Variants in RIC1 observed in about 807,000 individuals in gnomAD.
The protein encoded by RIC1 is guanine nucleotide exchange factor subunit RIC1.
In RIC1, 88 loss-of-function variants were observed where a neutral mutation model predicts 169.0. The observed-to-expected ratio is 0.52, with a 90% CI of 0.44 to 0.62. The LOEUF (loss-of-function observed/expected upper bound fraction) is 0.62. RIC1 is among the 20% of genes least tolerant of loss of function. The pLI, the probability that RIC1 is intolerant of heterozygous loss-of-function variation, is 0.00. For synonymous variants in RIC1, 790 were observed against 601.5 expected, an observed-to-expected ratio of 1.31 and a Z score of -4.59; for missense variants, 1,877 against 1,725.5, an observed-to-expected ratio of 1.09 and a Z score of -1.56.
At chr9:5,765,596 T>C in intron 20 of RIC1, 24 bp downstream of exon 20, 1 of 1,614,002 alleles carries the variant, frequency 6.2e-7, no homozygotes, top group Non-Finnish European at 8.5e-7. Flanking sequence ...GTTACACATC[T>C]TCTCTAGGCC....
At position 5,776,145 on chromosome 9, in the gene RIC1, A is replaced by G. The variant is rs1426275934; in HGVS notation, c.*1899A>G. 6.6e-6 allele frequency: 1 copy of G among 152,208 alleles called. No individual in the cohort carries two copies. Among genetic ancestry groups the G allele is most frequent in the African/African-American group, 2.4e-5 (1 of 41,468 alleles). The allele number at this position is 152,208 out of a possible 1,614,324, so 9.4% of individuals were successfully genotyped here. The stretch of plus-strand genomic sequence containing the variant: ...ACATTCTTGAAAGCAGGGCACCAGT[A>G]TAAGTTAACTGTATTCCTGTGGGTT... On this transcript the variant is annotated 3_prime_UTR_variant, in exon 26 of 26. Transcript: ENST00000414202.
chr9:5,680,491 A>G (rs931767501), intron 2 of RIC1, among the ~76,000 whole-genome samples: 1 of 152,040 alleles, frequency 6.6e-6, no homozygotes, highest in Non-Finnish European at 1.5e-5. Context: ...TTGGTTGGTA[A>G]GCTATTAATT....
Position 5,763,205 on chromosome 9 carries a change from A to C in RIC1, c.2178A>C (p.Ala726=). Residue 726 remains alanine (A), a synonymous_variant, in exon 19 of 26, where the codon GCA becomes GCC. Transcript: ENST00000414202. This position sits in a 1 kb window ranked among gnomAD's most constrained non-coding sequence, Gnocchi z 5.2. ...SVENVWTTCR[A]NKQKRHLLEA... The stretch of plus-strand genomic sequence containing the variant: ...AAAATGTCTGGACAACGTGTCGAGC[A>C]AATAAACAGAAACGTCACCTTCTGG... 1.2e-6 allele frequency: 2 copies of C among 1,614,158 alleles called. No individual in the cohort carries two copies. Among genetic ancestry groups the C allele is most frequent in the Admixed American group, 1.7e-5 (1 of 60,020 alleles).
intron 2 of RIC1, among the ~76,000 whole-genome samples, chr9:5,689,225 AT>A (rs377518495): frequency 8.6e-5 from 13 of 150,456 alleles, no homozygotes; most frequent in South Asian, 4.2e-4. Context: ...ATTTTTTTGT[AT>A]TTTTTTAGTA....
At chr9:5,734,678 A>G (rs551110268) in intron 7 of RIC1, among the ~76,000 whole-genome samples, 1 of 152,226 alleles carries the variant, frequency 6.6e-6, no homozygotes, top group Non-Finnish European at 1.5e-5. Flanking sequence ...GTCTCCAGTC[A>G]CAAACTGCCT....
chr9:5,642,117 A>T lies in RIC1; in HGVS notation c.144+12664A>T, dbSNP rs542314299. On this transcript the variant is annotated intron_variant, in intron 1 of 25. Coordinates refer to ENST00000414202, the MANE Select transcript of RIC1 (RefSeq NM_020829.4). The stretch of plus-strand genomic sequence containing the variant: ...AGGGACTTGGGCCCCAAGCCCAATA[A>T]TGCTGAGGTTTTTGCAGACTCAGAG... Among the ~76,000 whole-genome samples, 58 of 145,214 alleles carry T rather than the reference A, an allele frequency of 4.0e-4. 16 individuals are homozygous for T. The highest frequency in any genetic ancestry group is 1.6e-3 in the African/African-American group (58 of 35,790).
chr9:5,766,821 C>G (rs1213375331), intron 21 of RIC1, among the ~76,000 whole-genome samples: 1 of 152,180 alleles, frequency 6.6e-6, no homozygotes, highest in African/African-American at 2.4e-5. Context: ...GTGCAAGTAT[C>G]TTTTTTGAAT....
chr9:5,743,829 G>A lies in RIC1; in HGVS notation c.1095+92G>A. On this transcript the variant is annotated intron_variant, in intron 10 of 25. Coordinates refer to ENST00000414202, the MANE Select transcript of RIC1 (RefSeq NM_020829.4). The stretch of plus-strand genomic sequence containing the variant: ...CTCATTTTTATTTATTTAATTTTTT[G>A]AGACAGGGTCTTACACTGTCACCCA... The A allele has an allele frequency of 7.1e-6, 7 of 987,282 alleles. No individual in the cohort carries two copies. The South Asian group carries it at 9.8e-5, about 14-fold the overall frequency. 61.2% of individuals were successfully genotyped at this position (987,282 alleles called of 1,614,324 possible).
At chr9:5,651,747 T>A (rs953768225) in intron 1 of RIC1, among the ~76,000 whole-genome samples, 1 of 151,830 alleles carries the variant, frequency 6.6e-6, no homozygotes, top group Non-Finnish European at 1.5e-5. Context: ...TATTTTTTTT[T>A]ATTAGAGATG....
chr9:5,775,267 C>T lies in RIC1; in HGVS notation c.*1021C>T, dbSNP rs964782960. 7 of 152,144 alleles carry T rather than the reference C, an allele frequency of 4.6e-5. No individual in the cohort carries two copies. Among genetic ancestry groups the T allele is most frequent in the African/African-American group, 9.7e-5 (4 of 41,438 alleles). The allele number at this position is 152,144 out of a possible 1,614,324, so 9.4% of individuals were successfully genotyped here. On this transcript the variant is annotated 3_prime_UTR_variant, in exon 26 of 26. Coordinates refer to ENST00000414202, the MANE Select transcript of RIC1 (RefSeq NM_020829.4). ...TAGACTGCTGAATCCTGTATTACCA[C>T]GGCTACTAAAAATTAGTGTGTAAAG...
chr9:5,647,039 T>A (rs1299344408), intron 1 of RIC1, among the ~76,000 whole-genome samples: 2 of 152,228 alleles, frequency 1.3e-5, no homozygotes, highest in African/African-American at 4.8e-5. Flanking sequence ...TATCCAGTTT[T>A]CCCAGCACTG....
intron 3 of RIC1, among the ~76,000 whole-genome samples, chr9:5,692,620 T>C (rs908099095): frequency 6.6e-6 from 1 of 152,098 alleles, no homozygotes; most frequent in Non-Finnish European, 1.5e-5. Context: ...GTTCTAGTTA[T>C]GTTACTTAGT....
At chr9:5,689,600 C>T (rs1009337732) in intron 2 of RIC1, among the ~76,000 whole-genome samples, 1 of 152,072 alleles carries the variant, frequency 6.6e-6, no homozygotes, top group African/African-American at 2.4e-5. Flanking sequence ...GGCATTGTTG[C>T]TTTATAAACT....
chr9:5,722,578 T>C (rs1409706116), intron 6 of RIC1, among the ~76,000 whole-genome samples: 4 of 152,162 alleles, frequency 2.6e-5, no homozygotes, highest in African/African-American at 7.2e-5. Context: ...ATTTACTTTT[T>C]TAAGTTCTAG....
chr9:5,701,801 C>G (rs1052858839), intron 3 of RIC1, among the ~76,000 whole-genome samples: 1 of 152,086 alleles, frequency 6.6e-6, no homozygotes, highest in South Asian at 2.1e-4. Flanking sequence ...AGAAAACCAT[C>G]ATAATTAAAA....
intron 8 of RIC1, among the ~76,000 whole-genome samples, chr9:5,738,787 A>G (rs913989552): frequency 3.9e-5 from 6 of 152,202 alleles, no homozygotes; most frequent in East Asian, 1.9e-4. Context: ...GTGGGAATGC[A>G]GTAGGCTTCC....
chr9:5,631,720 C>A (rs1817724424), intron 1 of RIC1, among the ~76,000 whole-genome samples: 1 of 151,018 alleles, frequency 6.6e-6, no homozygotes, highest in African/African-American at 2.4e-5. Flanking sequence ...AATATTGAAC[C>A]AAGTGATTAT....
chr9:5,724,091 T>C (rs1477241187), intron 6 of RIC1, among the ~76,000 whole-genome samples: 1 of 152,238 alleles, frequency 6.6e-6, no homozygotes, highest in Non-Finnish European at 1.5e-5. Context: ...TCCAACTCTG[T>C]GAAGAAAGTC....
At chr9:5,735,872 G>C (rs1824672114) in intron 7 of RIC1, among the ~76,000 whole-genome samples, 1 of 152,134 alleles carries the variant, frequency 6.6e-6, no homozygotes, top group Non-Finnish European at 1.5e-5. Flanking sequence ...ATGTCAAGTT[G>C]TTTCAGTATT....
Sources: gnomAD v4.1 joint callset for allele counts (sites outside exome capture counted in the v4.1 genomes callset) on GRCh38, gnomAD v4.1.1 for gene constraint, Gnocchi (gnomAD v3.1) non-coding constraint, MANE v1.5 for transcripts, NCBI Gene and HGNC (gene_info 2026-07-23, HGNC 2026-07-21) for gene names.